Variants in TNIP3 observed in about 807,000 individuals in gnomAD.
TNIP3 encodes the protein TNFAIP3 interacting protein 3, also known as TNFAIP3-interacting protein 3.
A neutral mutation model predicts 54.1 loss-of-function variants in TNIP3; 34 were observed. The observed-to-expected ratio is 0.63, with a 90% CI of 0.48 to 0.84. The LOEUF is 0.84. TNIP3 is among the 40% of genes least tolerant of loss of function. The pLI, the probability that TNIP3 is intolerant of heterozygous loss-of-function variation, is 0.00. For missense variants in TNIP3, 366 were observed against 387.6 expected (o/e 0.94, Z 0.47); for synonymous variants, 134 against 136.8 (o/e 0.98, Z 0.14).
intron 5 of TNIP3, 185 bp downstream of exon 5, chr4:121,154,366 C>G (rs996054682): frequency 7.4e-6 from 5 of 677,892 alleles, no homozygotes; most frequent in Non-Finnish European, 7.2e-6. Flanking sequence ...TTCTCTAAAG[C>G]CTCCTTAGCC....
intron 1 of TNIP3, among the ~76,000 whole-genome samples, chr4:121,222,899 A>C (rs950017820): frequency 7.4e-6 from 1 of 134,974 alleles, no homozygotes; most frequent in African/African-American, 2.8e-5. Flanking sequence ...TCCGCCTCCC[A>C]GGTTCACGCT....
At chr4:121,216,658 G>A (rs1726807555), upstream of TNIP3, 1 of 1,421,582 alleles carries the variant, frequency 7.0e-7, no homozygotes. Context: ...CCAGACCTGA[G>A]AAGACAGACC....
At chr4:121,184,056 T>C (rs1361215923) in intron 2 of TNIP3, among the ~76,000 whole-genome samples, 1 of 152,142 alleles carries the variant, frequency 6.6e-6, no homozygotes, top group Non-Finnish European at 1.5e-5. Flanking sequence ...CTGCTTTATA[T>C]GATGTTGGCA....
chr4:121,138,593 G>C (rs1007140029), intron 10 of TNIP3, 31 bp downstream of exon 10: 1 of 1,602,756 alleles, frequency 6.2e-7, no homozygotes, highest in South Asian at 1.1e-5. Context: ...ATGTAAACAT[G>C]AAAGAATGCT....
At chr4:121,219,598 A>G (rs1319808608), upstream of TNIP3, among the ~76,000 whole-genome samples, 1 of 152,188 alleles carries the variant, frequency 6.6e-6, no homozygotes, top group Non-Finnish European at 1.5e-5. Flanking sequence ...CTTTTAATAT[A>G]CTTGGATTTC....
intron 10 of TNIP3, among the ~76,000 whole-genome samples, chr4:121,132,977 A>G (rs1462959874): frequency 6.6e-6 from 1 of 152,200 alleles, no homozygotes; most frequent in African/African-American, 2.4e-5. Flanking sequence ...AGTAAGTCAT[A>G]TATATGACTT....
At chr4:121,172,496 G>GA (rs1203914223) in intron 3 of TNIP3, among the ~76,000 whole-genome samples, 1 of 152,142 alleles carries the variant, frequency 6.6e-6, no homozygotes, top group Non-Finnish European at 1.5e-5. Flanking sequence ...TCAGATGGGG[G>GA]ATCACTGTAA....
At chr4:121,153,574 T>C (rs559128884) in intron 5 of TNIP3, among the ~76,000 whole-genome samples, 2 of 152,352 alleles carry the variant, frequency 1.3e-5, no homozygotes, top group South Asian at 4.1e-4. Flanking sequence ...ATATTGTTTA[T>C]GAAGTTTATC....
intron 2 of TNIP3, among the ~76,000 whole-genome samples, chr4:121,191,553 T>C (rs562970881): frequency 9.8e-5 from 15 of 152,342 alleles, no homozygotes; most frequent in African/African-American, 3.4e-4. Context: ...TCACCTCATG[T>C]AACCACATCC....
chr4:121,166,545 A>T (rs1430790957), upstream of TNIP3, among the ~76,000 whole-genome samples: 5 of 152,218 alleles, frequency 3.3e-5, no homozygotes, highest in Non-Finnish European at 7.3e-5. Context: ...GGCTGTTGTG[A>T]AGAGTCTTCA....
chr4:121,140,999 G>A (rs973764829), intron 9 of TNIP3, among the ~76,000 whole-genome samples: 1 of 152,174 alleles, frequency 6.6e-6, no homozygotes, highest in African/African-American at 2.4e-5. Context: ...AGAGAATCAT[G>A]TTCTCTGTAA....
At chr4:121,171,174 C>T (rs1227757591) in intron 3 of TNIP3, among the ~76,000 whole-genome samples, 1 of 152,088 alleles carries the variant, frequency 6.6e-6, no homozygotes, top group Non-Finnish European at 1.5e-5. Flanking sequence ...GGAGAACAGC[C>T]CCTGTTTGGC....
intron 10 of TNIP3, chr4:121,137,809 T>C: frequency 2.6e-6 from 1 of 377,732 alleles, no homozygotes. Context: ...CATTTTTAGA[T>C]AGATTCAAAT....
intron 2 of TNIP3, among the ~76,000 whole-genome samples, chr4:121,203,599 C>T (rs1014542819): frequency 2.6e-5 from 4 of 151,896 alleles, no homozygotes; most frequent in Non-Finnish European, 5.9e-5. Flanking sequence ...CACCTGTTCC[C>T]CAAAAACCTA....
chr4:121,169,405 C>T (rs978616480), intron 3 of TNIP3, among the ~76,000 whole-genome samples: 5 of 152,152 alleles, frequency 3.3e-5, no homozygotes, highest in African/African-American at 7.2e-5. Context: ...TTTAAAATTG[C>T]TCTCCACCCC....
upstream of TNIP3, among the ~76,000 whole-genome samples, chr4:121,168,506 T>TTTTTC (rs1296927549): frequency 6.9e-6 from 1 of 144,456 alleles, no homozygotes; most frequent in Non-Finnish European, 1.5e-5. Context: ...GCCTTTTTCT[T>TTTTTC]TTTTCTTTTC....
At chr4:121,193,986 G>A (rs1431135163) in intron 2 of TNIP3, among the ~76,000 whole-genome samples, 2 of 152,108 alleles carry the variant, frequency 1.3e-5, no homozygotes, top group Admixed American at 1.3e-4. Context: ...GATTGTAAGA[G>A]AATAAAATTT....
At chr4:121,134,774 T>G (rs1579358154) in intron 10 of TNIP3, among the ~76,000 whole-genome samples, 1 of 152,124 alleles carries the variant, frequency 6.6e-6, no homozygotes, top group African/African-American at 2.4e-5. Context: ...TTCACTGATG[T>G]CCCCATCTTA....
intron 1 of TNIP3, among the ~76,000 whole-genome samples, chr4:121,161,678 C>T (rs960088947): frequency 1.3e-5 from 2 of 152,066 alleles, no homozygotes; most frequent in South Asian, 2.1e-4. Context: ...ACCCAGTAAA[C>T]GTCAGAGGAA....
Sources: gnomAD v4.1 joint callset for allele counts (sites outside exome capture counted in the v4.1 genomes callset) on GRCh38, gnomAD v4.1.1 for gene constraint, MANE v1.5 for transcripts, NCBI Gene and HGNC (gene_info 2026-07-23, HGNC 2026-07-21) for gene names.